The following NFIL3 variants were observed in gnomAD, a reference collection of about 807,000 sequenced individuals.
NFIL3 encodes the protein nuclear factor interleukin-3-regulated protein.
A neutral mutation model predicts 10.0 loss-of-function variants in NFIL3; 5 were observed. That is an observed-to-expected ratio of 0.50 (90% CI 0.26 to 1.06). NFIL3 has a LOEUF of 1.06. Ranked by LOEUF, NFIL3 falls within the 50% of genes least tolerant of loss-of-function variation. The pLI is 0.13. For missense variants in NFIL3, 436 were observed against 547.6 expected (o/e 0.80, Z 2.03); for synonymous variants, 202 against 206.5 (o/e 0.98, Z 0.19).
At chr9:91,481,179 T>C in the NFIL3 span, among the ~76,000 whole-genome samples, 5 of 152,226 alleles carry the variant, frequency 3.3e-5, no homozygotes, top group Non-Finnish European at 7.3e-5. Context: ...GGATAATACA[T>C]TTTGTGTGTA....
At chr9:91,474,340 G>C in the NFIL3 span, among the ~76,000 whole-genome samples, 10,403 of 151,934 alleles carry the variant, frequency 0.068, 657 homozygotes, top group East Asian at 0.17. Flanking sequence ...TATTTGATTT[G>C]ATTTTCTAAT....
intron 1 of NFIL3, among the ~76,000 whole-genome samples, chr9:91,411,675 AT>A (rs1009309945): frequency 4.6e-5 from 7 of 151,784 alleles, no homozygotes; most frequent in African/African-American, 1.7e-4. Context: ...AGAGATTAGA[AT>A]TTTTTTTTCT....
At chr9:91,428,481 A>G (rs1833893328), upstream of NFIL3, among the ~76,000 whole-genome samples, 1 of 152,232 alleles carries the variant, frequency 6.6e-6, no homozygotes. Context: ...TTCTATTAGC[A>G]TGCTTGGCCT....
At chr9:91,411,363 C>T (rs1833544902) in intron 1 of NFIL3, among the ~76,000 whole-genome samples, 1 of 152,176 alleles carries the variant, frequency 6.6e-6, no homozygotes, top group Admixed American at 6.5e-5. Context: ...CAGATATGCT[C>T]ACCTCTTAAA....
chr9:91,459,871 A>G, the NFIL3 span, among the ~76,000 whole-genome samples: 1 of 152,076 alleles, frequency 6.6e-6, no homozygotes, highest in East Asian at 1.9e-4. Context: ...TGGATGGATG[A>G]ATGGGGGTAA....
the NFIL3 span, among the ~76,000 whole-genome samples, chr9:91,452,787 C>CAAAAAA: frequency 3.3e-5 from 2 of 59,838 alleles, no homozygotes; most frequent in Admixed American, 2.0e-4. Context: ...AACTCTGTCT[C>CAAAAAA]AAAAAAAAAA....
upstream of NFIL3, among the ~76,000 whole-genome samples, chr9:91,428,035 T>G (rs1833888901): frequency 6.6e-6 from 1 of 152,138 alleles, no homozygotes; most frequent in Non-Finnish European, 1.5e-5. Flanking sequence ...GTGTGTGCTT[T>G]TTGCTGGGAT....
At chr9:91,417,162 T>A (rs1462188599) in intron 1 of NFIL3, among the ~76,000 whole-genome samples, 1 of 152,204 alleles carries the variant, frequency 6.6e-6, no homozygotes, top group Non-Finnish European at 1.5e-5. Flanking sequence ...TAAAATTCTG[T>A]CAATAGAAGA....
upstream of NFIL3, among the ~76,000 whole-genome samples, chr9:91,428,592 T>C (rs1254628084): frequency 2.0e-5 from 3 of 152,220 alleles, no homozygotes; most frequent in African/African-American, 2.4e-5. Context: ...GAAGCCAAAA[T>C]GTTTCCTATT....
chr9:91,415,246 C>T (rs1833632821), intron 1 of NFIL3, among the ~76,000 whole-genome samples: 1 of 152,164 alleles, frequency 6.6e-6, no homozygotes, highest in South Asian at 2.1e-4. Flanking sequence ...GGGGTGCAGG[C>T]TTTCTTCTTG....
At chr9:91,444,583 T>G in the NFIL3 span, among the ~76,000 whole-genome samples, 5 of 152,152 alleles carry the variant, frequency 3.3e-5, no homozygotes, top group African/African-American at 1.2e-4. Flanking sequence ...GTGGCTTTTG[T>G]TGGGAAAGAT....
chr9:91,413,883 A>G (rs1371384753), intron 1 of NFIL3, among the ~76,000 whole-genome samples: 1 of 150,028 alleles, frequency 6.7e-6, no homozygotes, highest in African/African-American at 2.5e-5. Flanking sequence ...TTTCTCTTCC[A>G]TGTGTTATCT....
At chr9:91,434,227 C>T in the NFIL3 span, among the ~76,000 whole-genome samples, 6 of 152,160 alleles carry the variant, frequency 3.9e-5, no homozygotes, top group Non-Finnish European at 7.4e-5. Flanking sequence ...CCAGTCTGCA[C>T]AACACAGGCT....
At chr9:91,450,062 T>C in the NFIL3 span, among the ~76,000 whole-genome samples, 2 of 152,240 alleles carry the variant, frequency 1.3e-5, no homozygotes, top group African/African-American at 4.8e-5. Flanking sequence ...TCACTTTTAT[T>C]TATGGCTTTA....
chr9:91,418,340 T>A (rs568640837), intron 1 of NFIL3, among the ~76,000 whole-genome samples: 19 of 152,312 alleles, frequency 1.2e-4, no homozygotes, highest in African/African-American at 4.6e-4. Context: ...TAATCTGAAA[T>A]CTTAAAAGGA....
chr9:91,467,599 C>T, the NFIL3 span, among the ~76,000 whole-genome samples: 12 of 152,046 alleles, frequency 7.9e-5, no homozygotes, highest in Non-Finnish European at 1.6e-4. Flanking sequence ...AGGTTTATTA[C>T]ATACGTATAC....
chr9:91,483,386 C>T, the NFIL3 span, among the ~76,000 whole-genome samples: 2 of 152,134 alleles, frequency 1.3e-5, no homozygotes, highest in African/African-American at 4.8e-5. Context: ...ACAAGAGGAC[C>T]GGGAAATACC....
the NFIL3 span, among the ~76,000 whole-genome samples, chr9:91,449,791 T>C: frequency 6.6e-6 from 1 of 152,128 alleles, no homozygotes; most frequent in Non-Finnish European, 1.5e-5. Flanking sequence ...ATTAGTTCTT[T>C]GAATGTTTGG....
the NFIL3 span, among the ~76,000 whole-genome samples, chr9:91,436,451 A>G: frequency 6.9e-6 from 1 of 145,278 alleles, no homozygotes; most frequent in Non-Finnish European, 1.5e-5. Context: ...GGTGGCGGGC[A>G]CCTTTAGTTT....
Sources: allele counts gnomAD v4.1 joint callset (sites outside exome capture counted in the v4.1 genomes callset), GRCh38; gene constraint gnomAD v4.1.1; transcripts MANE v1.5; gene names NCBI Gene and HGNC (gene_info 2026-07-23, HGNC 2026-07-21).